NCKAP5: variants seen among roughly 807,000 people sequenced by gnomAD.
NCKAP5 encodes NCK associated protein 5, also known as nck-associated protein 5.
In NCKAP5, 92 loss-of-function variants were observed where a neutral mutation model predicts 167.0. That is an observed-to-expected ratio of 0.55 (90% CI 0.47 to 0.66). The LOEUF is 0.66. Among genes scored for constraint, NCKAP5 ranks in the 30% least tolerant of loss-of-function variants. The pLI, the probability that NCKAP5 is intolerant of heterozygous loss-of-function variation, is 0.00. For synonymous variants in NCKAP5, 891 were observed against 877.4 expected (o/e 1.02, Z -0.27); for missense variants, 2,378 against 2,315.0 (o/e 1.03, Z -0.56).
Position 132,783,576 on chromosome 2 carries a change from T to C in NCKAP5, c.3235A>G (p.Thr1079Ala). 1.2e-6 allele frequency: 2 copies of C among 1,613,994 alleles called. No homozygotes were observed. The highest frequency in any genetic ancestry group is 4.5e-5 in the East Asian group (2 of 44,848). Residue 1079 changes from threonine to alanine, a missense_variant, in exon 14 of 20, where the codon ACG (threonine) becomes GCG (alanine). Coordinates refer to ENST00000409261, the MANE Select transcript of NCKAP5 (RefSeq NM_207363.3). ...CCTGGAGATACACTTTTGGAGGACG[T>C]CATTTCCAGTGGCTCATGGGTTGAA... ...SPSTHEPLEM[T>A]SSKSVSPGRK...
At chr2:133,103,626 T>A (rs1423440238) in intron 6 of NCKAP5, among the ~76,000 whole-genome samples, 1 of 152,138 alleles carries the variant, frequency 6.6e-6, no homozygotes, top group Non-Finnish European at 1.5e-5. Context: ...AGACCCTGTC[T>A]CTACAAAGTT....
intron 7 of NCKAP5, among the ~76,000 whole-genome samples, chr2:132,973,183 G>A (rs2076884056): frequency 6.6e-6 from 1 of 152,164 alleles, no homozygotes; most frequent in South Asian, 2.1e-4. Context: ...CTGAGTCTAG[G>A]ACTGTGAAGA....
chr2:132,810,336 A>T (rs1164721157), intron 11 of NCKAP5, among the ~76,000 whole-genome samples: 1 of 152,176 alleles, frequency 6.6e-6, no homozygotes, highest in Non-Finnish European at 1.5e-5. Context: ...AGGCCAGGAA[A>T]GTTTTCCTGG....
chr2:132,825,712 C>T (rs1163864726), intron 11 of NCKAP5, among the ~76,000 whole-genome samples: 2 of 152,130 alleles, frequency 1.3e-5, no homozygotes, highest in African/African-American at 2.4e-5. Flanking sequence ...AACTACTATC[C>T]CTGGTCTTAC....
At chr2:133,303,002 C>T (rs1265844868) in intron 4 of NCKAP5, 35 bp downstream of exon 4, 1 of 1,480,960 alleles carries the variant, frequency 6.8e-7, no homozygotes. Flanking sequence ...AGGATGCTAC[C>T]TGAGCAAGCA....
upstream of NCKAP5, among the ~76,000 whole-genome samples, chr2:133,570,718 G>A (rs1024664008): frequency 6.6e-6 from 1 of 152,140 alleles, no homozygotes; most frequent in Non-Finnish European, 1.5e-5. Flanking sequence ...TCATTTTCCT[G>A]GCTGCTAGCA....
the NCKAP5 span, among the ~76,000 whole-genome samples, chr2:133,647,420 A>G: frequency 0.035 from 2,086 of 59,228 alleles, 159 homozygotes; most frequent in African/African-American, 0.099. Flanking sequence ...AGGAAGGAAG[A>G]GAAAGAAAGG....
chr2:133,549,255 C>T (rs1431921962), intron 2 of NCKAP5, among the ~76,000 whole-genome samples: 8 of 152,090 alleles, frequency 5.3e-5, no homozygotes, highest in Non-Finnish European at 1.2e-4. Flanking sequence ...TACAAAGAGA[C>T]TTAGACTCCC....
At chr2:133,460,002 C>T (rs185456279) in intron 3 of NCKAP5, among the ~76,000 whole-genome samples, 1 of 152,250 alleles carries the variant, frequency 6.6e-6, no homozygotes, top group African/African-American at 2.4e-5. Flanking sequence ...AAAGATAAAA[C>T]TCGCATCAGT....
At position 132,965,904 on chromosome 2, in the gene NCKAP5, T is replaced by TTGTGTGTGTG. The variant is rs60589235; in HGVS notation, c.430-2045_430-2036dup. On this transcript the variant is annotated intron_variant, in intron 7 of 19. Coordinates refer to ENST00000409261, the MANE Select transcript of NCKAP5 (RefSeq NM_207363.3). ...ACATCTTTATAAGGTACATGACTCTTTGTGTGTGTGTGTGTGTGTGTGTGT... is the reference window on the plus strand; with the variant it reads ...ACATCTTTATAAGGTACATGACTCTTTGTGTGTGTGTGTGTGTGTGTGTGTGTGTGTGTGT... Among the ~76,000 whole-genome samples the TTGTGTGTGTG allele has an allele frequency of 6.2e-3, 877 of 140,948 alleles. 13 individuals are homozygous for TTGTGTGTGTG. The highest frequency in any genetic ancestry group is 0.021 in the African/African-American group (804 of 38,172). The allele number at this position is 140,948 out of a possible 152,430, so 92.5% of individuals were successfully genotyped here. A position where few individuals can be genotyped will look rare whatever the true frequency, so the allele number is the denominator to read the frequency against.
At chr2:133,467,355 G>A (rs1348311986) in intron 3 of NCKAP5, among the ~76,000 whole-genome samples, 1 of 152,176 alleles carries the variant, frequency 6.6e-6, no homozygotes, top group African/African-American at 2.4e-5. Flanking sequence ...TCCCAGGGAT[G>A]AAGCCCACTT....
At chr2:133,491,922 T>G (rs1367184110) in intron 3 of NCKAP5, among the ~76,000 whole-genome samples, 1 of 152,220 alleles carries the variant, frequency 6.6e-6, no homozygotes, top group South Asian at 2.1e-4. Context: ...TTGCAATAAA[T>G]CTGTGTATAA....
At chr2:133,469,798 C>T (rs1316074128) in intron 3 of NCKAP5, among the ~76,000 whole-genome samples, 1 of 151,862 alleles carries the variant, frequency 6.6e-6, no homozygotes, top group East Asian at 1.9e-4. Context: ...TCCAGTTGAT[C>T]GCATCGGCTC....
chr2:133,389,944 C>T (rs1052441072), intron 3 of NCKAP5, among the ~76,000 whole-genome samples: 1 of 152,192 alleles, frequency 6.6e-6, no homozygotes, highest in African/African-American at 2.4e-5. Context: ...TCCAGGCCAC[C>T]TAAGTAATAT....
At chr2:132,916,160 T>A (rs934369456) in intron 8 of NCKAP5, among the ~76,000 whole-genome samples, 1 of 151,972 alleles carries the variant, frequency 6.6e-6, no homozygotes, top group Admixed American at 6.6e-5. Flanking sequence ...CCTCTTTTTT[T>A]TTAACAGCAA....
At chr2:133,616,715 C>T in the NCKAP5 span, among the ~76,000 whole-genome samples, 2 of 151,874 alleles carry the variant, frequency 1.3e-5, no homozygotes, top group East Asian at 1.9e-4. Context: ...CTGAATTCTA[C>T]CAGAGGTACA....
At chr2:132,841,227 AT>A (rs149224236) in intron 11 of NCKAP5, among the ~76,000 whole-genome samples, 11,990 of 152,020 alleles carry the variant, frequency 0.079, 953 homozygotes, top group African/African-American at 0.19. Context: ...ATACAATTCC[AT>A]TTTTTTGTGT....
intron 4 of NCKAP5, among the ~76,000 whole-genome samples, chr2:133,224,613 A>G (rs1158977130): frequency 6.6e-6 from 1 of 152,230 alleles, no homozygotes; most frequent in Non-Finnish European, 1.5e-5. Context: ...GTGAGCTTTC[A>G]TTAGAATAAT....
In NCKAP5 at chr2:132,782,770, G is replaced by T. The variant is rs566601823; in HGVS notation, c.4041C>A (p.Ser1347=). 6.2e-7 allele frequency: 1 copy of T among 1,613,684 alleles called. No individual in the cohort carries two copies. The change falls in exon 14 of 20, where the codon TCC becomes TCA. Residue 1347 remains serine, a synonymous_variant. Transcript: ENST00000409261. The part of the protein sequence containing the change: ...SVGRPSGHPS[S]GKGSLGSSGS... ...CTGAGCTCCCCAGGGAGCCCTTCCC[G>T]GAGGAGGGGTGCCCCGAGGGCCTCC...
Sources: allele counts gnomAD v4.1 joint callset (sites outside exome capture counted in the v4.1 genomes callset), GRCh38; gene constraint gnomAD v4.1.1; transcripts MANE v1.5; gene names NCBI Gene and HGNC (gene_info 2026-07-23, HGNC 2026-07-21).